Variants in ZFHX3 observed in about 807,000 individuals in gnomAD.
ZFHX3 encodes the protein zinc finger homeobox 3.
In ZFHX3, 42 loss-of-function variants were observed where a neutral mutation model predicts 279.1. That is an observed-to-expected ratio of 0.15 (90% confidence interval 0.12 to 0.19). ZFHX3 has a LOEUF of 0.19. Ranked by LOEUF, ZFHX3 falls within the 10% of genes least tolerant of loss-of-function variation. The pLI, the probability that ZFHX3 is intolerant of heterozygous loss-of-function variation, is 1.00. For synonymous variants in ZFHX3, 2,293 were observed against 1,957.8 expected, an observed-to-expected ratio of 1.17 and a Z score of -4.52; for missense variants, 4,981 against 4,754.0, an observed-to-expected ratio of 1.05 and a Z score of -1.40.
chr16:73,094,149 C>A (rs1203397198), intron 7 of ZFHX3, among the ~76,000 whole-genome samples: 1 of 152,118 alleles, frequency 6.6e-6, no homozygotes, highest in Non-Finnish European at 1.5e-5. Flanking sequence ...TTCCAATATA[C>A]CTTTGAAAAT....
intron 1 of ZFHX3, among the ~76,000 whole-genome samples, chr16:73,722,238 T>C (rs1219060829): frequency 6.6e-6 from 1 of 152,210 alleles, no homozygotes; most frequent in Non-Finnish European, 1.5e-5. Flanking sequence ...ACTTCTGTTC[T>C]GGACAGATTC....
At chr16:73,179,156 G>A (rs575112927) in intron 5 of ZFHX3, among the ~76,000 whole-genome samples, 17 of 152,284 alleles carry the variant, frequency 1.1e-4, no homozygotes, top group South Asian at 4.1e-4. Context: ...CCCTTGTTTG[G>A]TGGCTTGGCA....
intron 1 of ZFHX3, among the ~76,000 whole-genome samples, chr16:73,747,848 A>G (rs964675196): frequency 3.9e-5 from 6 of 152,186 alleles, no homozygotes; most frequent in African/African-American, 1.4e-4. Context: ...AATGATGTCA[A>G]TACCACGACC....
rs180695822 is a variant in ZFHX3 at position 73,450,014 on chromosome 16, T to A, written c.-1291+5989A>T. The stretch of plus-strand genomic sequence containing the variant: ...GATATTTGTCATGCATAACCCTATT[T>A]TAAAATATTTAAATAAAAATTGTAC... On this transcript the variant is annotated intron_variant, in intron 3 of 17. Coordinates refer to the ZFHX3 transcript ENST00000641206. Among the ~76,000 whole-genome samples, 6 of 152,322 alleles carry A rather than the reference T, an allele frequency of 3.9e-5. No individual in the cohort carries two copies. The East Asian group carries it at 1.2e-3, about 29-fold the overall frequency.
At chr16:73,041,226 C>T (rs1001788559) in intron 1 of ZFHX3, among the ~76,000 whole-genome samples, 1 of 152,182 alleles carries the variant, frequency 6.6e-6, no homozygotes, top group South Asian at 2.1e-4. Flanking sequence ...CCAGGATTTC[C>T]TCTGTCACCC....
chr16:73,432,805 G>A (rs2017931695), intron 3 of ZFHX3, among the ~76,000 whole-genome samples: 1 of 152,128 alleles, frequency 6.6e-6, no homozygotes, highest in African/African-American at 2.4e-5. Flanking sequence ...TCTACCTTGG[G>A]CTGCAAGAGG....
At chr16:73,378,030 CAAAAAAAAAAAAAAAAAAAAAAAA>C (rs71156159) in intron 3 of ZFHX3, among the ~76,000 whole-genome samples, 5 of 53,840 alleles carry the variant, frequency 9.3e-5, no homozygotes, top group African/African-American at 3.0e-4. Context: ...GACTCTGTCT[CAAAAAAAAAAAAAAAAAAAAAAAA>C]AAAAAAAAAA....
Position 73,099,345 on chromosome 16 carries a change from G to T in ZFHX3, c.-896-5747C>A, listed in dbSNP as rs143997925. 1.6e-4 allele frequency: 24 copies of T among 152,276 alleles called. No individual in the cohort carries two copies. The East Asian group carries it at 4.4e-3, about 28-fold the overall frequency. 9.4% of individuals were successfully genotyped at this position (152,276 alleles called of 1,614,324 possible). On this transcript the variant is annotated intron_variant, in intron 7 of 17. Transcript: ENST00000641206. ...TACTTTACTTTGAATAGCAATTTTT[G>T]TTGTCGGAGTTTTTTATTTTTGTCA...
At chr16:73,199,906 A>G (rs1968231113) in intron 5 of ZFHX3, among the ~76,000 whole-genome samples, 1 of 151,886 alleles carries the variant, frequency 6.6e-6, no homozygotes, top group Non-Finnish European at 1.5e-5. Flanking sequence ...GTTCTTAGTG[A>G]AAAAAAAGAA....
chr16:73,599,093 A>G (rs756510943), intron 2 of ZFHX3, among the ~76,000 whole-genome samples: 5 of 152,206 alleles, frequency 3.3e-5, no homozygotes, highest in Non-Finnish European at 7.4e-5. Context: ...GGGTTTCTTC[A>G]TACTATCATA....
At chr16:73,399,400 G>C (rs985852269) in intron 3 of ZFHX3, among the ~76,000 whole-genome samples, 1 of 152,126 alleles carries the variant, frequency 6.6e-6, no homozygotes, top group Non-Finnish European at 1.5e-5. Flanking sequence ...AGGGGACTCC[G>C]GTTTCCTGGA....
At chr16:73,498,065 T>A (rs758551621) in intron 2 of ZFHX3, among the ~76,000 whole-genome samples, 64 of 152,232 alleles carry the variant, frequency 4.2e-4, no homozygotes, top group South Asian at 6.2e-4. Flanking sequence ...GGCCATTGCT[T>A]ATATTTTTTG....
At chr16:73,676,249 A>G (rs528595047) in intron 2 of ZFHX3, among the ~76,000 whole-genome samples, 1 of 152,160 alleles carries the variant, frequency 6.6e-6, no homozygotes, top group African/African-American at 2.4e-5. Context: ...CATATGCATT[A>G]AGACTAATGA....
chr16:72,983,394 C>A (rs1276790742), intron 1 of ZFHX3, among the ~76,000 whole-genome samples: 1 of 152,196 alleles, frequency 6.6e-6, no homozygotes, highest in African/African-American at 2.4e-5. Context: ...GGAATGAGGG[C>A]AACCCCAAAG....
intron 2 of ZFHX3, chr16:73,504,874 C>T (rs1263308870): frequency 2.6e-5 from 4 of 151,938 alleles, no homozygotes; most frequent in Non-Finnish European, 4.4e-5. Context: ...TGAGGGGAGA[C>T]TGGCTCTGGT....
chr16:73,395,245 ACCTC>A (rs1244511640), intron 3 of ZFHX3, among the ~76,000 whole-genome samples: 1 of 152,104 alleles, frequency 6.6e-6, no homozygotes, highest in Non-Finnish European at 1.5e-5. Context: ...CAGGTGGATC[ACCTC>A]TGTCAGGAGT....
intron 2 of ZFHX3, among the ~76,000 whole-genome samples, chr16:73,561,201 A>C (rs1253953586): frequency 1.3e-5 from 2 of 152,206 alleles, no homozygotes. Flanking sequence ...CAGAGACAGG[A>C]GACTGAAATT....
chr16:73,153,586 C>A (rs1018911608), intron 5 of ZFHX3, among the ~76,000 whole-genome samples: 2 of 152,158 alleles, frequency 1.3e-5, no homozygotes, highest in East Asian at 3.9e-4. Flanking sequence ...GTCACCATTA[C>A]GGGCTTTAAT....
chr16:73,170,675 G>C (rs1182330720), intron 5 of ZFHX3, among the ~76,000 whole-genome samples: 3 of 152,202 alleles, frequency 2.0e-5, no homozygotes, highest in African/African-American at 7.2e-5. Flanking sequence ...TGCTGAGCTA[G>C]GAAAGGTCAA....
Sources: gnomAD v4.1 joint callset for allele counts (sites outside exome capture counted in the v4.1 genomes callset) on GRCh38, gnomAD v4.1.1 for gene constraint, MANE v1.5 for transcripts, NCBI Gene and HGNC (gene_info 2026-07-23, HGNC 2026-07-21) for gene names.